Variants in B9D1 observed in about 807,000 individuals in gnomAD.
B9D1 encodes the protein B9 domain-containing protein 1.
A neutral mutation model predicts 26.1 loss-of-function variants in B9D1; 20 were observed. The ratio of observed to expected loss-of-function variants is 0.77; its 90% confidence interval spans 0.54 to 1.12. The LOEUF is 1.12. B9D1 is among the 50% of genes most tolerant of loss of function. B9D1 has a pLI of 0.00. For missense variants in B9D1, 260 were observed against 273.7 expected, an observed-to-expected ratio of 0.95 and a Z score of 0.35; for synonymous variants, 105 against 103.1, an observed-to-expected ratio of 1.02 and a Z score of -0.11.
At chr17:19,367,575 G>A (rs970158113), upstream of B9D1, among the ~76,000 whole-genome samples, 1 of 152,204 alleles carries the variant, frequency 6.6e-6, no homozygotes, top group African/African-American at 2.4e-5. Context: ...GCCTCCCGAA[G>A]TGCTGGGATT....
At chr17:19,337,764 T>C (rs1271176012), downstream of B9D1, 1 of 1,524,058 alleles carries the variant, frequency 6.6e-7, no homozygotes, top group Admixed American at 2.0e-5. Context: ...AAGGGAAAAA[T>C]GGACAAGGGT....
Position 19,369,712 on chromosome 17 carries a change from T to C in B9D1, c.-298+8147A>G, listed in dbSNP as rs1020388005. ...CAGGATGCATGCACTACTCGGGACA[T>C]ACCTAACTAAAGAATTATTTGTTGT... is the stretch of plus-strand genomic sequence containing the variant. On this transcript the variant is annotated intron_variant, in intron 1 of 5. Coordinates refer to the B9D1 transcript ENST00000477478. Among the ~76,000 whole-genome samples the C allele has an allele frequency of 1.6e-4, 24 of 152,294 alleles. 1 individual carries two copies. Among genetic ancestry groups the C allele is most frequent in the Admixed American group, 1.3e-3 (20 of 15,306 alleles).
At chr17:19,374,422 G>A (rs1418403638) in intron 1 of B9D1, among the ~76,000 whole-genome samples, 1 of 152,206 alleles carries the variant, frequency 6.6e-6, no homozygotes, top group African/African-American at 2.4e-5. Flanking sequence ...CACCGTGTGA[G>A]TCATTCTCTC....
Position 19,347,365 on chromosome 17 carries a change from AG to A in B9D1, c.342-35del, listed in dbSNP as rs765776682. ...AATGTTTTTGCAGACAGAGATGCTGAGTAAGAGACCTTTCTGAGCCTCCAGG... is the reference window on the plus strand; with the variant it reads ...AATGTTTTTGCAGACAGAGATGCTGATAAGAGACCTTTCTGAGCCTCCAGG... On this transcript the variant is annotated intron_variant, in intron 4 of 6. Transcript: ENST00000261499. The surrounding 1 kb of genome is among the most constrained non-coding windows in gnomAD (Gnocchi z 4.3). The A allele has an allele frequency of 6.2e-7, 1 of 1,612,204 alleles. No homozygotes were observed. Among genetic ancestry groups the A allele is most frequent in the Non-Finnish European group, 8.5e-7 (1 of 1,178,328 alleles).
intron 3 of B9D1, among the ~76,000 whole-genome samples, chr17:19,352,016 G>C (rs1385778457): frequency 6.6e-6 from 1 of 152,072 alleles, no homozygotes; most frequent in African/African-American, 2.4e-5. Context: ...CTCCCGAGTA[G>C]CTGGGACTAC....
At chr17:19,357,564 G>A (rs565195411) in intron 3 of B9D1, 3 of 483,878 alleles carry the variant, frequency 6.2e-6, no homozygotes, top group East Asian at 7.9e-5. Flanking sequence ...CCAGGGTGGG[G>A]AGCCTGCCTT....
chr17:19,368,103 G>A (rs940091432), intron 1 of B9D1, among the ~76,000 whole-genome samples: 4 of 152,134 alleles, frequency 2.6e-5, no homozygotes, highest in Non-Finnish European at 5.9e-5. Flanking sequence ...AGAATAAACC[G>A]GTCTGGGTCT....
In B9D1 at chr17:19,347,922, C is replaced by T; in HGVS notation, c.245-42G>A. On this transcript the variant is annotated intron_variant, in intron 3 of 6. Transcript: ENST00000261499. This position sits in a 1 kb window ranked among gnomAD's most constrained non-coding sequence, Gnocchi z 4.3. ...CAGGGGGTGGGCACATGAGGACACA[C>T]AGGGGAGGTGCAGGGCAGAGAACAG... The T allele has an allele frequency of 6.4e-7, 1 of 1,558,006 alleles. No homozygotes were observed. Among genetic ancestry groups the T allele is most frequent in the Non-Finnish European group, 8.8e-7 (1 of 1,130,368 alleles).
At chr17:19,341,971 T>C (rs139844185), downstream of B9D1, among the ~76,000 whole-genome samples, 1 of 152,102 alleles carries the variant, frequency 6.6e-6, no homozygotes, top group Non-Finnish European at 1.5e-5. Flanking sequence ...GGGCCTGGCC[T>C]GAGGGAGGGA....
Position 19,359,513 on chromosome 17 carries a change from C to G in B9D1, c.132+807G>C, listed in dbSNP as rs189838587. ...AGTTACTTTCTCGGCAAGGCCCTCC[C>G]TGGCAGCCTTAGCGAGATCGCAGCC... On this transcript the variant is annotated intron_variant, in intron 2 of 6. Transcript: ENST00000261499. This position sits in a 1 kb window ranked among gnomAD's most constrained non-coding sequence, Gnocchi z 5.0. Among the ~76,000 whole-genome samples the G allele has an allele frequency of 6.6e-6, 1 of 152,234 alleles. No individual in the cohort carries two copies. The highest frequency in any genetic ancestry group is 1.5e-5 in the Non-Finnish European group (1 of 68,038).
chr17:19,355,236 T>C (rs1290573359), intron 3 of B9D1, among the ~76,000 whole-genome samples: 1 of 152,038 alleles, frequency 6.6e-6, no homozygotes, highest in African/African-American at 2.4e-5. Flanking sequence ...ATTACAATGT[T>C]TAAAAAATAT....
At chr17:19,352,979 C>T (rs1259729064) in intron 3 of B9D1, among the ~76,000 whole-genome samples, 2 of 150,038 alleles carry the variant, frequency 1.3e-5, no homozygotes, top group Non-Finnish European at 3.0e-5. Context: ...TCTTTTACTA[C>T]TTCTTTTTTT....
downstream of B9D1, among the ~76,000 whole-genome samples, chr17:19,340,106 T>C (rs891165036): frequency 2.0e-5 from 3 of 146,524 alleles, no homozygotes; most frequent in African/African-American, 7.5e-5. Flanking sequence ...ATCTCTTACC[T>C]TGACTGGGCA....
At chr17:19,371,103 G>C (rs1911870406) in intron 1 of B9D1, 2 of 152,372 alleles carry the variant, frequency 1.3e-5, no homozygotes, top group African/African-American at 2.4e-5. Flanking sequence ...GAAGAAGGCA[G>C]GTGGCCCTGG....
At chr17:19,340,118 G>A (rs1907798758), downstream of B9D1, among the ~76,000 whole-genome samples, 1 of 151,144 alleles carries the variant, frequency 6.6e-6, no homozygotes, top group Non-Finnish European at 1.5e-5. Flanking sequence ...GACTGGGCAG[G>A]GATGCAAGGA....
Position 19,347,645 on chromosome 17 carries a change from C to A in B9D1, c.341+139G>T, listed in dbSNP as rs1252297463. 1 of 849,586 alleles carries A rather than the reference C, an allele frequency of 1.2e-6. No homozygotes were observed. The highest frequency in any genetic ancestry group is 1.4e-5 in the South Asian group (1 of 69,176). 52.6% of individuals were successfully genotyped at this position (849,586 alleles called of 1,614,324 possible). ...TTCTCCTCCCAAATACAGGCTACAA[C>A]CCCCCTGGCCACCAGGCTGAGCTGC... On this transcript the variant is annotated intron_variant, in intron 4 of 6. Transcript: ENST00000261499. The surrounding 1 kb of genome is among the most constrained non-coding windows in gnomAD (Gnocchi z 4.3).
At chr17:19,335,051 A>G (rs1010840782), downstream of B9D1, 9 of 172,306 alleles carry the variant, frequency 5.2e-5, no homozygotes, top group African/African-American at 2.1e-4. Flanking sequence ...TTTTAACTCT[A>G]AGAAAATTTT....
At chr17:19,357,517 G>A (rs1016294080) in intron 3 of B9D1, 3 of 414,778 alleles carry the variant, frequency 7.2e-6, no homozygotes, top group Non-Finnish European at 1.4e-5. Context: ...CAGGCACAGA[G>A]TCAGGCCTCC....
chr17:19,341,779 C>T (rs1907992994), downstream of B9D1, among the ~76,000 whole-genome samples: 1 of 152,138 alleles, frequency 6.6e-6, no homozygotes, highest in South Asian at 2.1e-4. Context: ...GGAGACCTTG[C>T]CAGGTGAGCA....
Sources: allele counts gnomAD v4.1 joint callset (sites outside exome capture counted in the v4.1 genomes callset), GRCh38; gene constraint gnomAD v4.1.1; non-coding constraint Gnocchi (gnomAD v3.1); transcripts MANE v1.5; gene names NCBI Gene and HGNC (gene_info 2026-07-23, HGNC 2026-07-21).